SGCD: variants seen among roughly 807,000 people sequenced by gnomAD.
SGCD encodes delta-sarcoglycan.
A neutral mutation model predicts 36.6 loss-of-function variants in SGCD; 18 were observed. The ratio of observed to expected loss-of-function variants is 0.49; its 90% CI spans 0.34 to 0.73. The LOEUF (loss-of-function observed/expected upper bound fraction) is 0.73. Ranked by LOEUF, SGCD falls within the 30% of genes least tolerant of loss-of-function variation. SGCD has a pLI of 0.01. For synonymous variants in SGCD, 133 were observed against 130.6 expected (o/e 1.02, Z -0.12); for missense variants, 387 against 346.7 (o/e 1.12, Z -0.92).
At chr5:155,792,509 G>A in the SGCD span, among the ~76,000 whole-genome samples, 4 of 146,706 alleles carry the variant, frequency 2.7e-5, no homozygotes, top group Admixed American at 1.4e-4. Flanking sequence ...GTATGCATCC[G>A]ATAACAGTCT....
intron 1 of SGCD, among the ~76,000 whole-genome samples, chr5:156,003,840 T>C (rs1758708642): frequency 6.6e-6 from 1 of 152,220 alleles, no homozygotes; most frequent in African/African-American, 2.4e-5. Context: ...AGAGAAAACC[T>C]GCTACTGATG....
At chr5:156,702,857 T>G (rs1490674759) in intron 7 of SGCD, among the ~76,000 whole-genome samples, 4 of 152,180 alleles carry the variant, frequency 2.6e-5, no homozygotes, top group Admixed American at 2.6e-4. Flanking sequence ...TTAAAATATA[T>G]AGTGTTTCCC....
chr5:156,219,104 G>T (rs761262851), intron 3 of SGCD, among the ~76,000 whole-genome samples: 1 of 152,008 alleles, frequency 6.6e-6, no homozygotes, highest in African/African-American at 2.4e-5. Flanking sequence ...TTTTTGTACC[G>T]CTACTCAGTT....
intron 7 of SGCD, among the ~76,000 whole-genome samples, chr5:156,725,786 C>T (rs1755742464): frequency 6.6e-6 from 1 of 152,182 alleles, no homozygotes; most frequent in Non-Finnish European, 1.5e-5. Flanking sequence ...CATTGGCAGG[C>T]TTGATAAATT....
chr5:156,311,025 T>C (rs1247501561), intron 3 of SGCD, among the ~76,000 whole-genome samples: 1 of 152,180 alleles, frequency 6.6e-6, no homozygotes, highest in East Asian at 1.9e-4. Flanking sequence ...ACAGCATCTG[T>C]GAAAGCCTAA....
chr5:155,898,781 A>G (rs1009795776), intron 1 of SGCD, among the ~76,000 whole-genome samples: 4 of 152,202 alleles, frequency 2.6e-5, no homozygotes, highest in African/African-American at 9.6e-5. Context: ...CTTTCGAAGA[A>G]GACAGGCAGT....
intron 1 of SGCD, among the ~76,000 whole-genome samples, chr5:156,038,038 C>A (rs1759542144): frequency 6.6e-6 from 1 of 152,116 alleles, no homozygotes; most frequent in Non-Finnish European, 1.5e-5. Context: ...TCTTAAACTT[C>A]TTTCATATCT....
chr5:155,736,515 C>G, the SGCD span, among the ~76,000 whole-genome samples: 1 of 152,166 alleles, frequency 6.6e-6, no homozygotes, highest in African/African-American at 2.4e-5. Context: ...TAAAATTCCT[C>G]CATTGCATGC....
At chr5:156,026,910 T>C (rs1378663114) in intron 1 of SGCD, among the ~76,000 whole-genome samples, 1 of 152,154 alleles carries the variant, frequency 6.6e-6, no homozygotes, top group Non-Finnish European at 1.5e-5. Context: ...GTCATTGTAG[T>C]ACAAAAATGA....
At chr5:156,206,098 T>C (rs1225702719) in intron 3 of SGCD, among the ~76,000 whole-genome samples, 1 of 150,970 alleles carries the variant, frequency 6.6e-6, no homozygotes, top group African/African-American at 2.4e-5. Flanking sequence ...CCATACTTTG[T>C]ACTCAAAGAT....
At chr5:156,282,162 C>T (rs1029007073) in intron 3 of SGCD, among the ~76,000 whole-genome samples, 2 of 152,074 alleles carry the variant, frequency 1.3e-5, no homozygotes, top group Non-Finnish European at 2.9e-5. Flanking sequence ...TAAGAGTAGG[C>T]CTGAGTCATG....
the SGCD span, among the ~76,000 whole-genome samples, chr5:155,800,111 G>A: frequency 1.6e-4 from 24 of 152,090 alleles, no homozygotes; most frequent in Non-Finnish European, 3.1e-4. Context: ...GATCTACCAC[G>A]CCCAGCCCTT....
intron 3 of SGCD, among the ~76,000 whole-genome samples, chr5:156,496,545 T>C (rs927335624): frequency 6.6e-6 from 1 of 152,178 alleles, no homozygotes; most frequent in African/African-American, 2.4e-5. Context: ...AGTCAAAATG[T>C]ACTATCTGTC....
chr5:156,049,324 A>G (rs1364281257), intron 1 of SGCD, among the ~76,000 whole-genome samples: 1 of 145,764 alleles, frequency 6.9e-6, no homozygotes. Context: ...TTTTGGTTCC[A>G]TATGAACTTT....
chr5:156,271,054 G>A (rs1216613749), intron 3 of SGCD, among the ~76,000 whole-genome samples: 1 of 152,166 alleles, frequency 6.6e-6, no homozygotes, highest in Non-Finnish European at 1.5e-5. Flanking sequence ...AGTAAAATAA[G>A]GAGTTTCTAA....
chr5:156,040,792 C>G (rs1269909940), intron 1 of SGCD, among the ~76,000 whole-genome samples: 1 of 152,116 alleles, frequency 6.6e-6, no homozygotes, highest in East Asian at 1.9e-4. Context: ...AATATTAAGT[C>G]TTACATCAGA....
At chr5:156,494,881 T>A (rs1756114325) in intron 3 of SGCD, among the ~76,000 whole-genome samples, 1 of 152,144 alleles carries the variant, frequency 6.6e-6, no homozygotes, top group Admixed American at 6.6e-5. Context: ...CAGGCCTGGC[T>A]TCCTCACTTC....
intron 1 of SGCD, among the ~76,000 whole-genome samples, chr5:155,954,352 T>C (rs941244685): frequency 6.6e-6 from 1 of 152,152 alleles, no homozygotes; most frequent in African/African-American, 2.4e-5. Context: ...TGCAGAAGTA[T>C]GCACACTTCA....
the SGCD span, among the ~76,000 whole-genome samples, chr5:155,777,157 G>A: frequency 2.6e-5 from 4 of 151,978 alleles, no homozygotes; most frequent in Non-Finnish European, 5.9e-5. Context: ...TCTGGAACAT[G>A]GTTTTCTGCC....
Sources: allele counts gnomAD v4.1 joint callset (sites outside exome capture counted in the v4.1 genomes callset), GRCh38; gene constraint gnomAD v4.1.1; transcripts MANE v1.5; gene names NCBI Gene and HGNC (gene_info 2026-07-23, HGNC 2026-07-21).